ZNF107: variants seen among roughly 807,000 people sequenced by gnomAD.
ZNF107 encodes the protein C2H2 type zinc-finger protein.
A neutral mutation model predicts 12.3 loss-of-function variants in ZNF107; 19 were observed. The ratio of observed to expected loss-of-function variants is 1.55; its 90% CI spans 1.08 to 2.27. ZNF107 has a LOEUF of 2.27. ZNF107 is among the 30% of genes most tolerant of loss of function. The probability of loss-of-function intolerance (pLI) is 0.00; values close to 1 mark genes in which losing one functional copy is unlikely to be tolerated. For missense variants in ZNF107, 958 were observed against 979.9 expected (o/e 0.98, Z 0.30); for synonymous variants, 317 against 330.5 (o/e 0.96, Z 0.44).
intron 1 of ZNF107, among the ~76,000 whole-genome samples, chr7:64,671,967 T>C (rs1789247057): frequency 6.6e-6 from 1 of 151,756 alleles, no homozygotes; most frequent in African/African-American, 2.4e-5. Context: ...TTGTATTTTT[T>C]AGTAGAGATG....
chr7:64,669,944 A>G (rs1040567223), intron 1 of ZNF107, among the ~76,000 whole-genome samples: 1 of 152,186 alleles, frequency 6.6e-6, no homozygotes, highest in African/African-American at 2.4e-5. Flanking sequence ...TTGAGCCTGC[A>G]AAGGGAAGGG....
chr7:64,680,143 T>C (rs534682516), intron 1 of ZNF107, among the ~76,000 whole-genome samples: 2 of 152,196 alleles, frequency 1.3e-5, no homozygotes, highest in South Asian at 4.1e-4. Context: ...GTCCCACTTC[T>C]AATCCCCCTC....
At chr7:64,703,859 TTCTG>T (rs965722962) in intron 3 of ZNF107, among the ~76,000 whole-genome samples, 4 of 152,130 alleles carry the variant, frequency 2.6e-5, no homozygotes, top group Admixed American at 1.3e-4. Context: ...GTCCCTTATT[TTCTG>T]TCTTTCTTTC....
intron 1 of ZNF107, among the ~76,000 whole-genome samples, chr7:64,674,367 G>A (rs1419201807): frequency 6.6e-6 from 1 of 151,964 alleles, no homozygotes; most frequent in African/African-American, 2.4e-5. Flanking sequence ...TCTTTTTGTA[G>A]CAATTGTGAA....
At chr7:64,679,254 C>G (rs1042459169) in intron 1 of ZNF107, 2 of 984,920 alleles carry the variant, frequency 2.0e-6, no homozygotes, top group African/African-American at 3.5e-5. Context: ...TTAACCCCTT[C>G]CCCCGACTTC....
At chr7:64,671,904 C>G (rs1314417652) in intron 1 of ZNF107, among the ~76,000 whole-genome samples, 1 of 151,430 alleles carries the variant, frequency 6.6e-6, no homozygotes, top group African/African-American at 2.4e-5. Flanking sequence ...GCCTCAGCCT[C>G]CCGAGTAGCT....
chr7:64,706,209 G>A (rs1198469100), intron 3 of ZNF107, 115 bp from the exon 4 acceptor site: 7 of 947,208 alleles, frequency 7.4e-6, no homozygotes, highest in African/African-American at 1.7e-5. Context: ...AGAGCCTGTG[G>A]TATTTTGCTA....
chr7:64,684,281 A>C (rs1789810716), intron 1 of ZNF107, among the ~76,000 whole-genome samples: 1 of 152,146 alleles, frequency 6.6e-6, no homozygotes, highest in African/African-American at 2.4e-5. Flanking sequence ...CCAGTCCTCC[A>C]ACAGGCTAGG....
intron 1 of ZNF107, among the ~76,000 whole-genome samples, chr7:64,682,239 T>C (rs1337139959): frequency 6.6e-6 from 1 of 151,976 alleles, no homozygotes; most frequent in South Asian, 2.1e-4. Flanking sequence ...CCTTCTGTTA[T>C]TTGTCTCAGC....
Position 64,676,313 on chromosome 7 carries a change from T to C in ZNF107, c.3+10028T>C, listed in dbSNP as rs374224477. ...TTTCTGATTGTGGTCAGTTTTACAG[T>C]ATGTGCCATATGGTGATGAGAAAAA... On this transcript the variant is annotated intron_variant, in intron 1 of 3. Transcript: ENST00000620827. Among the ~76,000 whole-genome samples the C allele has an allele frequency of 5.3e-5, 8 of 152,354 alleles. No homozygotes were observed. The South Asian group carries it at 1.0e-3, about 20-fold the overall frequency.
chr7:64,687,628 AC>A (rs1394799289), intron 1 of ZNF107: 18 of 938,410 alleles, frequency 1.9e-5, no homozygotes, highest in Admixed American at 6.2e-5. Flanking sequence ...ATTGATTATA[AC>A]CAATTAGCAT....
At chr7:64,681,272 G>C (rs1011303976) in intron 1 of ZNF107, among the ~76,000 whole-genome samples, 1 of 151,902 alleles carries the variant, frequency 6.6e-6, no homozygotes, top group African/African-American at 2.4e-5. Context: ...ACTCCACCCT[G>C]CCCTCCTTTC....
At position 64,707,514 on chromosome 7, in the gene ZNF107, A is replaced by G. The variant is rs1026871125; in HGVS notation, c.1417A>G (p.Lys473Glu). 5.2e-5 allele frequency: 84 copies of G among 1,613,396 alleles called. No individual in the cohort carries two copies. Among genetic ancestry groups the G allele is most frequent in the Non-Finnish European group, 6.8e-5 (80 of 1,179,682 alleles). The change falls in exon 4 of 4, where the codon AAA becomes GAA. Residue 473 changes from lysine (K) to glutamate (E), a missense_variant. Coordinates refer to ENST00000620827, the MANE Select transcript of ZNF107 (RefSeq NM_001282359.2). Reference protein sequence around the residue: ...NQHSNLINHRKIYSGEKPYKC... With the variant: ...NQHSNLINHREIYSGEKPYKC... The stretch of plus-strand genomic sequence containing the variant: ...ACACTCAAACCTAATTAACCATAGG[A>G]AAATTTATTCTGGAGAGAAACCATA...
At chr7:64,698,864 A>G (rs575641336) in intron 3 of ZNF107, among the ~76,000 whole-genome samples, 1 of 152,270 alleles carries the variant, frequency 6.6e-6, no homozygotes, top group African/African-American at 2.4e-5. Context: ...TTCAAAGAGA[A>G]TGGTTCAAAG....
At chr7:64,686,545 A>G (rs1013859491) in intron 1 of ZNF107, 17 of 985,414 alleles carry the variant, frequency 1.7e-5, no homozygotes, top group Non-Finnish European at 2.0e-5. Flanking sequence ...TCTTATTAAA[A>G]CAAAAAGACA....
chr7:64,693,835 C>A (rs1223369391), intron 3 of ZNF107, among the ~76,000 whole-genome samples: 2 of 151,992 alleles, frequency 1.3e-5, no homozygotes, highest in African/African-American at 4.8e-5. Context: ...CTTGCCCAGG[C>A]TGGAGTGCAG....
chr7:64,706,601 A>G lies in ZNF107; in HGVS notation c.504A>G (p.Thr168=), dbSNP rs1008893594. The G allele has an allele frequency of 6.2e-7, 1 of 1,612,946 alleles. No individual in the cohort carries two copies. Among genetic ancestry groups the G allele is most frequent in the African/African-American group, 1.3e-5 (1 of 74,882 alleles). ...SNSNRYKRRH[T]GNKHFKCKEC... is the part of the protein sequence containing the mutation. ...CAAATAGATATAAGAGAAGACATAC[A>G]GGAAACAAACACTTCAAATGTAAAG... The change falls in exon 4 of 4, where the codon ACA becomes ACG. Residue 168 remains threonine (T), a synonymous_variant. Coordinates refer to ENST00000620827, the MANE Select transcript of ZNF107 (RefSeq NM_001282359.2).
chr7:64,677,474 ATT>A (rs35097425), intron 1 of ZNF107, among the ~76,000 whole-genome samples: 20 of 147,946 alleles, frequency 1.4e-4, no homozygotes, highest in East Asian at 6.1e-4. Flanking sequence ...ACCTCGCCGG[ATT>A]TTTTTTTTTA....
At chr7:64,671,618 C>T (rs1042498389) in intron 1 of ZNF107, among the ~76,000 whole-genome samples, 2 of 152,168 alleles carry the variant, frequency 1.3e-5, no homozygotes, top group Non-Finnish European at 2.9e-5. Context: ...TTCTCCCCCA[C>T]CCATGGATTT....
Sources: allele counts gnomAD v4.1 joint callset (sites outside exome capture counted in the v4.1 genomes callset), GRCh38; gene constraint gnomAD v4.1.1; transcripts MANE v1.5; gene names NCBI Gene and HGNC (gene_info 2026-07-23, HGNC 2026-07-21).